Variants in KIRREL3 observed in about 807,000 individuals in gnomAD.
The protein encoded by KIRREL3 is kirre like nephrin family adhesion molecule 3.
In KIRREL3, 36 loss-of-function variants were observed where a neutral mutation model predicts 89.7. The observed-to-expected ratio is 0.40, with a 90% confidence interval of 0.31 to 0.53. The LOEUF (loss-of-function observed/expected upper bound fraction) is 0.53, where lower values mean the gene tolerates loss of function less well. KIRREL3 is among the 20% of genes least tolerant of loss of function. KIRREL3 has a pLI of 0.49. For missense variants in KIRREL3, 864 were observed against 1,056.6 expected (o/e 0.82, Z 2.53); for synonymous variants, 445 against 441.4 (o/e 1.01, Z -0.10).
At chr11:126,746,815 T>A (rs1419039212) in intron 1 of KIRREL3, among the ~76,000 whole-genome samples, 2 of 152,172 alleles carry the variant, frequency 1.3e-5, no homozygotes. Context: ...CAAACCCCAT[T>A]GTGCTTAGCA....
At chr11:126,532,625 C>T (rs55652512) in intron 2 of KIRREL3, among the ~76,000 whole-genome samples, 4,705 of 152,184 alleles carry the variant, frequency 0.031, 113 homozygotes, top group Middle Eastern at 0.065. Flanking sequence ...ATCTGCCCAC[C>T]TCGGCTTCCC....
chr11:126,907,543 A>G (rs1297548824), intron 1 of KIRREL3, among the ~76,000 whole-genome samples: 2 of 152,206 alleles, frequency 1.3e-5, no homozygotes, highest in Non-Finnish European at 2.9e-5. Flanking sequence ...TGAGAAGCAT[A>G]AGAGAACTTC....
rs866926038 is a variant in KIRREL3, at chr11:126,521,464, C to A, written c.284G>T (p.Ser95Ile). ...LALGVGRDLS[S>I]YPQYLVVGNH... Reference sequence around the variant, plus strand: ...CCCTACCACCAGGTACTGTGGGTAACCTGTGGAGACAACAGGCAGGTCAGG... The same window carrying A: ...CCCTACCACCAGGTACTGTGGGTAAACTGTGGAGACAACAGGCAGGTCAGG... Residue 95 changes from serine to isoleucine, a missense_variant and splice_region_variant, in exon 4 of 17, where the codon AGT (serine) becomes ATT (isoleucine). By Grantham distance (142) the Ser-to-Ile change is moderately radical. Transcript: ENST00000525144. The surrounding 1 kb of genome is among the most constrained non-coding windows in gnomAD (Gnocchi z 4.1). 6.3e-7 allele frequency: 1 copy of A among 1,581,096 alleles called. No homozygotes were observed. The highest frequency in any genetic ancestry group is 1.2e-5 in the South Asian group (1 of 86,064).
rs1309697100 is a variant in KIRREL3, at chr11:126,431,980, C to T, written c.1589-454G>A. On this transcript the variant is annotated intron_variant, in intron 13 of 16. Coordinates refer to ENST00000525144, the MANE Select transcript of KIRREL3 (RefSeq NM_032531.4). The surrounding 1 kb of genome is among the most constrained non-coding windows in gnomAD (Gnocchi z 7.1). The stretch of plus-strand genomic sequence containing the variant: ...ACTGCCCTTGTTTGTTCCGTATGTT[C>T]TCTCCTTCCCTTCCCTTTCTCGGGT... 6.6e-6 allele frequency among the ~76,000 whole-genome samples: 1 copy of T among 152,156 alleles called. No individual in the cohort carries two copies. The highest frequency in any genetic ancestry group is 1.9e-4 in the East Asian group (1 of 5,202).
chr11:126,558,536 A>T lies in KIRREL3; in HGVS notation c.133+4299T>A, dbSNP rs985618754. Among the ~76,000 whole-genome samples, 5 of 152,004 alleles carry T rather than the reference A, an allele frequency of 3.3e-5. No individual in the cohort carries two copies. The highest frequency in any genetic ancestry group is 1.2e-4 in the African/African-American group (5 of 41,274). On this transcript the variant is annotated intron_variant, in intron 2 of 16. Transcript: ENST00000525144. The surrounding 1 kb of genome is among the most constrained non-coding windows in gnomAD (Gnocchi z 4.0). ...TGGTCCTGGCTCTTCCAGCCACTTCATATGGGCCCCGGGCAAGTTGCTGCA... is the reference window on the plus strand; with the variant it reads ...TGGTCCTGGCTCTTCCAGCCACTTCTTATGGGCCCCGGGCAAGTTGCTGCA...
intron 1 of KIRREL3, among the ~76,000 whole-genome samples, chr11:126,901,779 T>C (rs1042805095): frequency 3.3e-5 from 5 of 152,212 alleles, no homozygotes; most frequent in African/African-American, 1.2e-4. Context: ...AATCATCCCT[T>C]CCTCACTTGA....
Position 126,441,827 on chromosome 11 carries a change from T to A in KIRREL3, c.1253-1278A>T, listed in dbSNP as rs983427220. 6.6e-5 allele frequency among the ~76,000 whole-genome samples: 10 copies of A among 152,154 alleles called. No individual in the cohort carries two copies. The highest frequency in any genetic ancestry group is 6.6e-4 in the Admixed American group (10 of 15,260). ...AGCGTGAGGTGGGCGTGGGGGACCC[T>A]CCATGGCTTTAAGAATGGGCTGAGC... On this transcript the variant is annotated intron_variant, in intron 10 of 16. Coordinates refer to ENST00000525144, the MANE Select transcript of KIRREL3 (RefSeq NM_032531.4). This position sits in a 1 kb window ranked among gnomAD's most constrained non-coding sequence, Gnocchi z 5.0.
chr11:126,806,158 A>T (rs1951197516), intron 1 of KIRREL3, among the ~76,000 whole-genome samples: 1 of 152,340 alleles, frequency 6.6e-6, no homozygotes, highest in Middle Eastern at 3.4e-3. Flanking sequence ...GCCAGCTCAG[A>T]TCTTCAGGGA....
chr11:126,852,430 A>G (rs1424612834), intron 1 of KIRREL3, among the ~76,000 whole-genome samples: 1 of 152,164 alleles, frequency 6.6e-6, no homozygotes, highest in Non-Finnish European at 1.5e-5. Context: ...TCTTAAGCCC[A>G]TTTGCATAAC....
intron 4 of KIRREL3, among the ~76,000 whole-genome samples, chr11:126,479,592 G>A (rs77037211): frequency 0.018 from 2,790 of 152,290 alleles, 92 homozygotes; most frequent in African/African-American, 0.063. Context: ...CTGGAGGAGC[G>A]CTGCTCTAAG....
At chr11:126,816,755 A>G (rs1478591624) in intron 1 of KIRREL3, among the ~76,000 whole-genome samples, 1 of 152,196 alleles carries the variant, frequency 6.6e-6, no homozygotes, top group Admixed American at 6.5e-5. Context: ...CTTTGCGCCA[A>G]AGCCTGGTCT....
chr11:126,967,277 C>T (rs2135200443), intron 1 of KIRREL3, among the ~76,000 whole-genome samples: 1 of 152,266 alleles, frequency 6.6e-6, no homozygotes, highest in East Asian at 1.9e-4. Flanking sequence ...TGCTCCTTCA[C>T]CATGCCCGCA....
Position 126,782,262 on chromosome 11 carries a change from C to T in KIRREL3, c.55+218193G>A, listed in dbSNP as rs368962504. ...TAAAAGTTGAAGAGGGCTGCCCGTG[C>T]GCCTTGGAATCTGATAGGAATAAGG... On this transcript the variant is annotated intron_variant, in intron 1 of 16. Transcript: ENST00000525144. The surrounding 1 kb of genome is among the most constrained non-coding windows in gnomAD (Gnocchi z 4.1). 1.8e-3 allele frequency among the ~76,000 whole-genome samples: 269 copies of T among 152,314 alleles called. 4 individuals are homozygous for T. In the South Asian group the frequency reaches 0.027, roughly 15 times the overall value.
intron 4 of KIRREL3, among the ~76,000 whole-genome samples, chr11:126,493,937 G>A (rs1957593022): frequency 6.6e-6 from 1 of 152,178 alleles, no homozygotes; most frequent in Non-Finnish European, 1.5e-5. Context: ...ACTCAAGGCT[G>A]GAATTAGTGG....
chr11:126,645,926 T>A lies in KIRREL3; in HGVS notation c.56-83014A>T, dbSNP rs1005314730. On this transcript the variant is annotated intron_variant, in intron 1 of 16. Coordinates refer to ENST00000525144, the MANE Select transcript of KIRREL3 (RefSeq NM_032531.4). The surrounding 1 kb of genome is among the most constrained non-coding windows in gnomAD (Gnocchi z 4.9). ...CTTCAACTTCTCCCAGAGATTTATG[T>A]TTAAACAGTAAATTTTTTGTTGATA... Among the ~76,000 whole-genome samples the A allele has an allele frequency of 5.3e-5, 8 of 152,218 alleles. No homozygotes were observed. The highest frequency in any genetic ancestry group is 1.4e-4 in the African/African-American group (6 of 41,458).
At chr11:126,840,941 G>C (rs1216706745) in intron 1 of KIRREL3, among the ~76,000 whole-genome samples, 4 of 152,122 alleles carry the variant, frequency 2.6e-5, no homozygotes, top group African/African-American at 9.7e-5. Flanking sequence ...AAATGAGGAA[G>C]GAAAAAATTA....
chr11:126,738,449 C>T (rs1323273272), intron 1 of KIRREL3, among the ~76,000 whole-genome samples: 1 of 152,150 alleles, frequency 6.6e-6, no homozygotes, highest in African/African-American at 2.4e-5. Context: ...TCACTTGAGT[C>T]CTCAGTGCCA....
chr11:126,630,230 A>G (rs1484398125), intron 1 of KIRREL3, among the ~76,000 whole-genome samples: 1 of 152,144 alleles, frequency 6.6e-6, no homozygotes, highest in African/African-American at 2.4e-5. Flanking sequence ...TGTCGAATGG[A>G]ATATAAGCCC....
rs756277238 is a variant in KIRREL3, at chr11:126,624,420, C to T, written c.56-61508G>A. 7.9e-5 allele frequency among the ~76,000 whole-genome samples: 12 copies of T among 152,148 alleles called. No individual in the cohort carries two copies. The highest frequency in any genetic ancestry group is 1.5e-4 in the Non-Finnish European group (10 of 68,030). On this transcript the variant is annotated intron_variant, in intron 1 of 16. Coordinates refer to ENST00000525144, the MANE Select transcript of KIRREL3 (RefSeq NM_032531.4). This position sits in a 1 kb window ranked among gnomAD's most constrained non-coding sequence, Gnocchi z 6.0. ...ACTTACACCAGAGATGAGAAAAGCA[C>T]CATCAGGTGCTTAAAACACAATTAT... is the stretch of plus-strand genomic sequence containing the variant.
Sources: gnomAD v4.1 joint callset for allele counts (sites outside exome capture counted in the v4.1 genomes callset) on GRCh38, gnomAD v4.1.1 for gene constraint, Gnocchi (gnomAD v3.1) non-coding constraint, MANE v1.5 for transcripts, NCBI Gene and HGNC (gene_info 2026-07-23, HGNC 2026-07-21) for gene names.